ZKSCAN1: variants seen among roughly 807,000 people sequenced by gnomAD.
ZKSCAN1 encodes the protein zinc finger with KRAB and SCAN domains 1, also known as zinc finger protein with KRAB and SCAN domains 1.
A neutral mutation model predicts 51.6 loss-of-function variants in ZKSCAN1; 14 were observed. The ratio of observed to expected loss-of-function variants is 0.27; its 90% CI spans 0.18 to 0.42. The LOEUF is 0.42. Ranked by LOEUF, ZKSCAN1 falls within the 10% of genes least tolerant of loss-of-function variation. The pLI is 1.00. For missense variants in ZKSCAN1, 531 were observed against 710.0 expected (o/e 0.75, Z 2.86); for synonymous variants, 263 against 261.5 (o/e 1.01, Z -0.06).
chr7:100,033,446 G>T lies in ZKSCAN1; in HGVS notation c.941G>T (p.Arg314Ile), dbSNP rs1562827768. The stretch of plus-strand genomic sequence containing the variant: ...GACCAGGAGGGCAAAACAGGAGAAA[G>T]ACAGCAGAAAAACCCTGAGGAGAAA... ...KRDQEGKTGE[R>I]QQKNPEEKTR... Residue 314 changes from arginine to isoleucine, a missense_variant, in exon 6 of 6, where the codon AGA becomes ATA. Around this residue, in one of 2 missense-constraint regions of ZKSCAN1, gnomAD observed 403 missense variants for 490.5 expected, o/e 0.82. Transcript: ENST00000324306. The surrounding 1 kb of genome is among the most constrained non-coding windows in gnomAD (Gnocchi z 4.1). 6.2e-7 allele frequency: 1 copy of T among 1,613,956 alleles called. No individual in the cohort carries two copies. Among genetic ancestry groups the T allele is most frequent in the Non-Finnish European group, 8.5e-7 (1 of 1,179,992 alleles).
At position 100,040,544 on chromosome 7, in the gene ZKSCAN1, G is replaced by A; in HGVS notation, c.*6347G>A. ...AAACTTGGATTTCATTCCAGTGTCA[G>A]GTTTGGGTTTTAAGTTCCTTTGGTC... On this transcript the variant is annotated 3_prime_UTR_variant, in exon 6 of 6. Coordinates refer to ENST00000324306, the MANE Select transcript of ZKSCAN1 (RefSeq NM_003439.4). The A allele has an allele frequency of 1.0e-6, 1 of 985,434 alleles. No individual in the cohort carries two copies. Among genetic ancestry groups the A allele is most frequent in the Non-Finnish European group, 1.2e-6 (1 of 829,944 alleles). The allele number at this position is 985,434 out of a possible 1,614,324, so 61.0% of individuals were successfully genotyped here.
rs140941220 is a variant in ZKSCAN1 at position 100,033,328 on chromosome 7, G to A, written c.823G>A (p.Glu275Lys). Residue 275 changes from glutamate to lysine, a missense_variant, in exon 6 of 6, where the codon GAG becomes AAG. Glu to Lys is a moderately conservative substitution (Grantham distance 56). Coordinates refer to ENST00000324306, the MANE Select transcript of ZKSCAN1 (RefSeq NM_003439.4). The surrounding 1 kb of genome is among the most constrained non-coding windows in gnomAD (Gnocchi z 4.1). Reference protein sequence around the residue: ...PQGGENRNENEESTSKAETSE... With the variant: ...PQGGENRNENKESTSKAETSE... ...AGGTGGTGAAAACAGGAATGAGAACGAGGAGTCAACCTCAAAGGCTGAAAC... is the reference window on the plus strand; with the variant it reads ...AGGTGGTGAAAACAGGAATGAGAACAAGGAGTCAACCTCAAAGGCTGAAAC... 1.0e-4 allele frequency: 162 copies of A among 1,608,552 alleles called. 1 individual carries two copies. The highest frequency in any genetic ancestry group is 2.2e-5 in the East Asian group (1 of 44,868).
At chr7:100,031,326 G>A (rs1478109874) in intron 5 of ZKSCAN1, among the ~76,000 whole-genome samples, 1 of 136,088 alleles carries the variant, frequency 7.3e-6, no homozygotes, top group African/African-American at 2.7e-5. Context: ...TTCCCAGGCT[G>A]GCATGCAGTG....
rs115386909 is a variant in ZKSCAN1 at position 100,027,418 on chromosome 7, G to A, written c.581-2443G>A. 4.3e-3 allele frequency among the ~76,000 whole-genome samples: 655 copies of A among 152,256 alleles called. 6 individuals carry two copies. Among genetic ancestry groups the A allele is most frequent in the African/African-American group, 0.015 (621 of 41,566 alleles). On this transcript the variant is annotated intron_variant, in intron 3 of 5. Coordinates refer to ENST00000324306, the MANE Select transcript of ZKSCAN1 (RefSeq NM_003439.4). Reference sequence around the variant, plus strand: ...CATCCTCTCTTCCGTGCATCCTGGAGGACAGCCAGCAGGTATGTGCTAGAG... The same window carrying A: ...CATCCTCTCTTCCGTGCATCCTGGAAGACAGCCAGCAGGTATGTGCTAGAG...
At chr7:100,026,733 A>AAAT (rs1562821686) in intron 3 of ZKSCAN1, among the ~76,000 whole-genome samples, 2 of 151,994 alleles carry the variant, frequency 1.3e-5, no homozygotes, top group Non-Finnish European at 2.9e-5. Context: ...TCAGAAAAAA[A>AAAT]AAATAAATAA....
At chr7:100,032,176 T>C (rs1205679350) in intron 5 of ZKSCAN1, among the ~76,000 whole-genome samples, 6 of 152,266 alleles carry the variant, frequency 3.9e-5, no homozygotes, top group Non-Finnish European at 7.3e-5. Flanking sequence ...CCTTTCTTTC[T>C]GCTAATACCA....
chr7:100,041,531 A>G lies in ZKSCAN1; in HGVS notation c.*7334A>G. On this transcript the variant is annotated 3_prime_UTR_variant, in exon 6 of 6. Transcript: ENST00000324306. ...AGCATAATGAAATGTGTACACATAC[A>G]TAGTCAGTGGTCCATTTTAGGAAGC... The G allele has an allele frequency of 2.0e-6, 2 of 985,186 alleles. No individual in the cohort carries two copies. The highest frequency in any genetic ancestry group is 2.4e-6 in the Non-Finnish European group (2 of 829,914). The allele number at this position is 985,186 out of a possible 1,614,324, so 61.0% of individuals were successfully genotyped here.
In ZKSCAN1 at chr7:100,037,505, G is replaced by C; in HGVS notation, c.*3308G>C. The stretch of plus-strand genomic sequence containing the variant: ...CGTGGGACAGTTCACATAGACATCA[G>C]AGAATTTATTCCAGAAAGGAGCCTC... On this transcript the variant is annotated 3_prime_UTR_variant, in exon 6 of 6. Transcript: ENST00000324306. 3 of 985,476 alleles carry C rather than the reference G, an allele frequency of 3.0e-6. No homozygotes were observed. The highest frequency in any genetic ancestry group is 3.6e-6 in the Non-Finnish European group (3 of 829,938). 61.0% of individuals were successfully genotyped at this position (985,476 alleles called of 1,614,324 possible).
In ZKSCAN1 at chr7:100,033,240, CG is replaced by C; in HGVS notation, c.800-64del. ...GTGTAGAAGCTTCTCGGGAAACTGT[CG>C]CTTGACCCACCTGTATATTCAAAAG... On this transcript the variant is annotated intron_variant, in intron 5 of 5. Transcript: ENST00000324306. The surrounding 1 kb of genome is among the most constrained non-coding windows in gnomAD (Gnocchi z 4.1). 1 of 1,496,122 alleles carries C rather than the reference CG, an allele frequency of 6.7e-7. No individual in the cohort carries two copies. Among genetic ancestry groups the C allele is most frequent in the South Asian group, 1.4e-5 (1 of 70,832 alleles). The allele number at this position is 1,496,122 out of a possible 1,614,324, so 92.7% of individuals were successfully genotyped here. A position where few individuals can be genotyped will look rare whatever the true frequency, so the allele number is the denominator to read the frequency against.
rs189095785 is a variant in ZKSCAN1 at position 100,037,895 on chromosome 7, C to T, written c.*3698C>T. 110 of 667,390 alleles carry T rather than the reference C, an allele frequency of 1.6e-4. 1 individual carries two copies. In the African/African-American group the frequency reaches 2.1e-3, roughly 13 times the overall value. The allele number at this position is 667,390 out of a possible 1,614,324, so 41.3% of individuals were successfully genotyped here. A position where few individuals can be genotyped will look rare whatever the true frequency, so the allele number is the denominator to read the frequency against. On this transcript the variant is annotated 3_prime_UTR_variant, in exon 6 of 6. Coordinates refer to ENST00000324306, the MANE Select transcript of ZKSCAN1 (RefSeq NM_003439.4). ...ATTAGCTGGGCACAGTGGCGCACGC[C>T]TGTAGTCCCAGCTACTCGGGAGGCT...
At position 100,023,923 on chromosome 7, in the gene ZKSCAN1, A is replaced by G. The variant is rs766272181; in HGVS notation, c.417A>G (p.Ser139=). Residue 139 remains serine, a synonymous_variant, in exon 2 of 6, where the codon TCA becomes TCG. Coordinates refer to ENST00000324306, the MANE Select transcript of ZKSCAN1 (RefSeq NM_003439.4). ...TAGAAGACTTGGAGCTTGATTTATCAGGACAACAGGTAAAAAGAGGTGAAA... is the reference window on the plus strand; with the variant it reads ...TAGAAGACTTGGAGCTTGATTTATCGGGACAACAGGTAAAAAGAGGTGAAA... ...TLLEDLELDL[S]GQQVPGQVHG... is the part of the protein sequence containing the mutation. The G allele has an allele frequency of 1.3e-6, 2 of 1,584,736 alleles. No individual in the cohort carries two copies. The highest frequency in any genetic ancestry group is 1.7e-6 in the Non-Finnish European group (2 of 1,170,390).
chr7:100,039,324 A>AAAG lies in ZKSCAN1; in HGVS notation c.*5129_*5130insGAA, dbSNP rs1554354931. ...CTCTGTCTCAAAAAAAGAAAAAAAAAAAAGAAAGAAAGAAAGAAAATTGGG... is the reference window on the plus strand; with the variant it reads ...CTCTGTCTCAAAAAAAGAAAAAAAAAAAGAAAGAAAGAAAGAAAGAAAATTGGG... On this transcript the variant is annotated 3_prime_UTR_variant, in exon 6 of 6. Coordinates refer to ENST00000324306, the MANE Select transcript of ZKSCAN1 (RefSeq NM_003439.4). 11 of 984,056 alleles carry AAAG rather than the reference A, an allele frequency of 1.1e-5. No individual in the cohort carries two copies. In the African/African-American group the frequency reaches 1.2e-4, roughly 11 times the overall value. The allele number at this position is 984,056 out of a possible 1,614,324, so 61.0% of individuals were successfully genotyped here.
chr7:100,025,333 A>AC (rs1790782923), intron 3 of ZKSCAN1, among the ~76,000 whole-genome samples: 2 of 151,808 alleles, frequency 1.3e-5, no homozygotes, highest in African/African-American at 4.8e-5. Context: ...AAAAAAAAAA[A>AC]AACTATAGCA....
At chr7:100,030,715 A>AGT (rs1471623396) in intron 5 of ZKSCAN1, among the ~76,000 whole-genome samples, 1 of 11,744 alleles carries the variant, frequency 8.5e-5, no homozygotes, top group Non-Finnish European at 1.6e-4. Flanking sequence ...CTGTCGGGGG[A>AGT]ATATCTTTCC....
chr7:100,036,937 T>G lies in ZKSCAN1; in HGVS notation c.*2740T>G. 7 of 985,354 alleles carry G rather than the reference T, an allele frequency of 7.1e-6. No individual in the cohort carries two copies. The highest frequency in any genetic ancestry group is 8.4e-6 in the Non-Finnish European group (7 of 829,894). The allele number at this position is 985,354 out of a possible 1,614,324, so 61.0% of individuals were successfully genotyped here. A position where few individuals can be genotyped will look rare whatever the true frequency, so the allele number is the denominator to read the frequency against. On this transcript the variant is annotated 3_prime_UTR_variant, in exon 6 of 6. Transcript: ENST00000324306. ...TTAAATGTGACCTGTGCCCTCACAT[T>G]TAATTCCGTTTCATGGAGACATCTT...
At chr7:100,022,414 A>G (rs1790630548) in intron 1 of ZKSCAN1, among the ~76,000 whole-genome samples, 1 of 152,264 alleles carries the variant, frequency 6.6e-6, no homozygotes, top group African/African-American at 2.4e-5. Flanking sequence ...AGTCTACATC[A>G]CAATGTCTAA....
chr7:100,037,685 T>C lies in ZKSCAN1; in HGVS notation c.*3488T>C, dbSNP rs1791420661. Reference sequence around the variant, plus strand: ...AGACAGAAAATGAATTCCGTCGGTATGTTCCAATCGTGATGAATTTGAGAA... The same window carrying C: ...AGACAGAAAATGAATTCCGTCGGTACGTTCCAATCGTGATGAATTTGAGAA... On this transcript the variant is annotated 3_prime_UTR_variant, in exon 6 of 6. Coordinates refer to ENST00000324306, the MANE Select transcript of ZKSCAN1 (RefSeq NM_003439.4). The C allele has an allele frequency of 3.0e-6, 3 of 985,358 alleles. No individual in the cohort carries two copies. The highest frequency in any genetic ancestry group is 6.1e-5 in the Admixed American group (1 of 16,270). 61.0% of individuals were successfully genotyped at this position (985,358 alleles called of 1,614,324 possible). A position where few individuals can be genotyped will look rare whatever the true frequency, so the allele number is the denominator to read the frequency against.
Position 100,037,910 on chromosome 7 carries a change from C to T in ZKSCAN1, c.*3713C>T, listed in dbSNP as rs914598960. ...TGGCGCACGCCTGTAGTCCCAGCTACTCGGGAGGCTGAGGCAGGAGAATGG... is the reference window on the plus strand; with the variant it reads ...TGGCGCACGCCTGTAGTCCCAGCTATTCGGGAGGCTGAGGCAGGAGAATGG... On this transcript the variant is annotated 3_prime_UTR_variant, in exon 6 of 6. Transcript: ENST00000324306. 2 of 729,060 alleles carry T rather than the reference C, an allele frequency of 2.7e-6. No individual in the cohort carries two copies. Among genetic ancestry groups the T allele is most frequent in the African/African-American group, 1.9e-5 (1 of 51,938 alleles). 45.2% of individuals were successfully genotyped at this position (729,060 alleles called of 1,614,324 possible). A position where few individuals can be genotyped will look rare whatever the true frequency, so the allele number is the denominator to read the frequency against.
chr7:100,029,965 C>T lies in ZKSCAN1; in HGVS notation c.672+13C>T. On this transcript the variant is annotated intron_variant, in intron 4 of 5. Transcript: ENST00000324306. ...AGCGGATTCCCAGGTGAGCTGTGGC[C>T]CCTCTGCTCTCCTGAGTCCTCAGTG... The T allele has an allele frequency of 6.2e-7, 1 of 1,613,172 alleles. No homozygotes were observed. Among genetic ancestry groups the T allele is most frequent in the Non-Finnish European group, 8.5e-7 (1 of 1,179,140 alleles).
Sources: gnomAD v4.1 joint callset for allele counts (sites outside exome capture counted in the v4.1 genomes callset) on GRCh38, gnomAD v4.1.1 for gene constraint, gnomAD v4.1.1 regional missense constraint, Gnocchi (gnomAD v3.1) non-coding constraint, MANE v1.5 for transcripts, NCBI Gene and HGNC (gene_info 2026-07-23, HGNC 2026-07-21) for gene names.